The following UGT1A8 variants were observed in gnomAD, a reference collection of about 807,000 sequenced individuals.
UGT1A8 encodes UDP-glucuronosyltransferase 1A8.
Under a neutral mutation model 45.3 loss-of-function variants are expected in UGT1A8, and 39 were observed. The ratio of observed to expected loss-of-function variants is 0.86; its 90% CI spans 0.67 to 1.12. The LOEUF is 1.12. Among genes scored for constraint, UGT1A8 ranks in the 50% most tolerant of loss-of-function variants. The pLI is 0.00. For synonymous variants in UGT1A8, 275 were observed against 249.2 expected (o/e 1.10, Z -0.97); for missense variants, 719 against 664.9 (o/e 1.08, Z -0.90).
chr2:233,639,418 T>C lies in UGT1A8; in HGVS notation c.855+20856T>C, dbSNP rs1053432350. Among the ~76,000 whole-genome samples the C allele has an allele frequency of 7.9e-5, 12 of 152,258 alleles. No individual in the cohort carries two copies. In the South Asian group the frequency reaches 1.7e-3, roughly 21 times the overall value. Reference sequence around the variant, plus strand: ...GCCCAACCACAAAAGTAAAAGTAAATTGTCATCAAAAGAACGATGAACACT... The same window carrying C: ...GCCCAACCACAAAAGTAAAAGTAAACTGTCATCAAAAGAACGATGAACACT... On this transcript the variant is annotated intron_variant, in intron 1 of 4. Coordinates refer to ENST00000373450, the MANE Select transcript of UGT1A8 (RefSeq NM_019076.5).
chr2:233,727,112 T>C (rs2077583232), intron 1 of UGT1A8, among the ~76,000 whole-genome samples: 1 of 152,214 alleles, frequency 6.6e-6, no homozygotes, highest in African/African-American at 2.4e-5. Context: ...TGTTTAGGTC[T>C]GTGAGATTGG....
At chr2:233,694,006 G>A in intron 1 of UGT1A8, 1 of 1,466,280 alleles carries the variant, frequency 6.8e-7, no homozygotes, top group Non-Finnish European at 9.2e-7. Flanking sequence ...GCTCGGAGCA[G>A]CGGGAACACA....
chr2:233,686,205 T>A (rs895549790), intron 1 of UGT1A8, among the ~76,000 whole-genome samples: 6 of 151,874 alleles, frequency 4.0e-5, no homozygotes, highest in Admixed American at 6.6e-5. Context: ...GAAGAAAAAA[T>A]TAGAAAAATA....
intron 1 of UGT1A8, among the ~76,000 whole-genome samples, chr2:233,709,406 C>T (rs1395149739): frequency 1.3e-5 from 2 of 152,072 alleles, no homozygotes; most frequent in Non-Finnish European, 2.9e-5. Context: ...TATGGGTGAA[C>T]ACTCAATAAG....
At position 233,716,059 on chromosome 2, in the gene UGT1A8, T is replaced by C. The variant is rs28898603; in HGVS notation, c.856-50975T>C. ...GCATTCTGATTCTGTCCATTCTTAG[T>C]TGTATTCTTTCCACTGAGTGTAAGC... On this transcript the variant is annotated intron_variant, in intron 1 of 4. Coordinates refer to ENST00000373450, the MANE Select transcript of UGT1A8 (RefSeq NM_019076.5). Among the ~76,000 whole-genome samples, 29 of 152,358 alleles carry C rather than the reference T, an allele frequency of 1.9e-4. No homozygotes were observed. In the East Asian group the frequency reaches 5.6e-3, roughly 29 times the overall value.
intron 1 of UGT1A8, among the ~76,000 whole-genome samples, chr2:233,669,689 G>GT (rs1379617446): frequency 6.6e-6 from 1 of 152,010 alleles, no homozygotes. Flanking sequence ...GTTTCTTTTT[G>GT]TTTTTTATTT....
At position 233,737,754 on chromosome 2, in the gene UGT1A8, T is replaced by G. The variant is rs1342701991; in HGVS notation, c.856-29280T>G. Reference sequence around the variant, plus strand: ...TTCCTTTTCTCTTCCAGTTTTTCAATGTGAACATATTCTCTAGAGTTAACT... The same window carrying G: ...TTCCTTTTCTCTTCCAGTTTTTCAAGGTGAACATATTCTCTAGAGTTAACT... On this transcript the variant is annotated intron_variant, in intron 1 of 4. Transcript: ENST00000373450. Among the ~76,000 whole-genome samples the G allele has an allele frequency of 3.3e-5, 5 of 152,300 alleles. No homozygotes were observed. The East Asian group carries it at 9.6e-4, about 29-fold the overall frequency.
At position 233,682,701 on chromosome 2, in the gene UGT1A8, C is replaced by G. The variant is rs543841942; in HGVS notation, c.855+64139C>G. On this transcript the variant is annotated intron_variant, in intron 1 of 4. Transcript: ENST00000373450. ...CACACATCAATTTGGTTGTTGCGAACTGACTTTGTTTTGGAGTATCCCAAA... is the reference window on the plus strand; with the variant it reads ...CACACATCAATTTGGTTGTTGCGAAGTGACTTTGTTTTGGAGTATCCCAAA... The G allele has an allele frequency of 2.5e-5, 41 of 1,613,884 alleles. 1 individual carries two copies. In the South Asian group the frequency reaches 4.2e-4, roughly 16 times the overall value.
At position 233,618,153 on chromosome 2, in the gene UGT1A8, C is replaced by A. The variant is rs891600440; in HGVS notation, c.446C>A (p.Pro149His). 2.0e-5 allele frequency: 32 copies of A among 1,613,934 alleles called. No homozygotes were observed. The highest frequency in any genetic ancestry group is 2.5e-5 in the Non-Finnish European group (30 of 1,180,006). Reference protein sequence around the residue: ...ESSFDAVFLDPFDACGLIVAK... With the variant: ...ESSFDAVFLDHFDACGLIVAK... ...TCTTTTGATGCGGTGTTTCTTGATC[C>A]TTTTGATGCCTGTGGCTTAATTGTT... Residue 149 changes from proline to histidine, a missense_variant, in exon 1 of 5, where the codon CCT becomes CAT. By Grantham distance (77) the Pro-to-His change is moderately conservative. Coordinates refer to ENST00000373450, the MANE Select transcript of UGT1A8 (RefSeq NM_019076.5).
intron 1 of UGT1A8, chr2:233,719,665 C>A (rs761217423): frequency 6.2e-7 from 1 of 1,614,054 alleles, no homozygotes; most frequent in East Asian, 2.2e-5. Flanking sequence ...ATCAACTGTG[C>A]CAACGGGAAG....
chr2:233,742,421 C>T (rs114948883), intron 1 of UGT1A8, among the ~76,000 whole-genome samples: 5,160 of 152,060 alleles, frequency 0.034, 167 homozygotes, highest in African/African-American at 0.052. Context: ...ACACCTTAAG[C>T]GGTTTTCCTC....
At chr2:233,637,405 A>G (rs758702509) in intron 1 of UGT1A8, 7 of 1,579,554 alleles carry the variant, frequency 4.4e-6, no homozygotes, top group Admixed American at 1.8e-5. Flanking sequence ...TAGCACATTA[A>G]GAATAATCTG....
intron 1 of UGT1A8, among the ~76,000 whole-genome samples, chr2:233,703,459 ATTC>A (rs2075739699): frequency 6.6e-6 from 1 of 151,408 alleles, no homozygotes; most frequent in Non-Finnish European, 1.5e-5. Context: ...TTTCCCCTCT[ATTC>A]TTTATTATTT....
intron 1 of UGT1A8, among the ~76,000 whole-genome samples, chr2:233,645,266 C>T (rs2073569827): frequency 6.6e-6 from 1 of 152,174 alleles, no homozygotes; most frequent in Non-Finnish European, 1.5e-5. Context: ...CACCAGGATC[C>T]TCCCACAACA....
rs558298640 is a variant in UGT1A8, at chr2:233,630,316, G to A, written c.855+11754G>A. On this transcript the variant is annotated intron_variant, in intron 1 of 4. Coordinates refer to ENST00000373450, the MANE Select transcript of UGT1A8 (RefSeq NM_019076.5). ...GGTGTCCCGAAAGGAGCCATCTTGT[G>A]CTCCTACAAGGATTATACCCCGAGG... Among the ~76,000 whole-genome samples the A allele has an allele frequency of 3.3e-5, 5 of 152,196 alleles. No homozygotes were observed. The South Asian group carries it at 8.3e-4, about 25-fold the overall frequency.
At chr2:233,660,394 A>T (rs1171264302) in intron 1 of UGT1A8, among the ~76,000 whole-genome samples, 3 of 152,164 alleles carry the variant, frequency 2.0e-5, no homozygotes, top group Non-Finnish European at 4.4e-5. Flanking sequence ...TGTTGAATTC[A>T]TGGGGTTCTG....
At chr2:233,721,819 T>C in intron 1 of UGT1A8, 1 of 516,632 alleles carries the variant, frequency 1.9e-6, no homozygotes, top group Non-Finnish European at 3.9e-6. Flanking sequence ...TCCAGCACCC[T>C]ATTTGGGCCA....
At chr2:233,620,903 G>A (rs1418128340) in intron 1 of UGT1A8, among the ~76,000 whole-genome samples, 3 of 152,314 alleles carry the variant, frequency 2.0e-5, no homozygotes, top group African/African-American at 7.2e-5. Flanking sequence ...GATTCAGAGT[G>A]TGAGTCTCAT....
intron 1 of UGT1A8, among the ~76,000 whole-genome samples, chr2:233,625,659 G>A (rs1436077275): frequency 6.6e-6 from 1 of 151,662 alleles, no homozygotes; most frequent in African/African-American, 2.4e-5. Context: ...TGCAGCTGGA[G>A]GTCATTATCC....
Sources: gnomAD v4.1 joint callset for allele counts (sites outside exome capture counted in the v4.1 genomes callset) on GRCh38, gnomAD v4.1.1 for gene constraint, MANE v1.5 for transcripts, NCBI Gene and HGNC (gene_info 2026-07-23, HGNC 2026-07-21) for gene names.